Variants in LANCL1 observed in about 807,000 individuals in gnomAD.
The protein encoded by LANCL1 is LanC like glutathione S-transferase 1.
In LANCL1, 50 loss-of-function variants were observed where a neutral mutation model predicts 50.6. That is an observed-to-expected ratio of 0.99 (90% CI 0.79 to 1.25). LANCL1 has a LOEUF of 1.25. Among genes scored for constraint, LANCL1 ranks in the 50% most tolerant of loss-of-function variants. LANCL1 has a pLI of 0.00. For synonymous variants in LANCL1, 188 were observed against 178.6 expected (o/e 1.05, Z -0.42); for missense variants, 532 against 480.7 (o/e 1.11, Z -1.00).
At chr2:210,475,026 T>A (rs1360138865) in intron 2 of LANCL1, among the ~76,000 whole-genome samples, 3 of 152,194 alleles carry the variant, frequency 2.0e-5, no homozygotes, top group Non-Finnish European at 2.9e-5. Flanking sequence ...TTAATACTAG[T>A]CTTAAAATAA....
At chr2:210,446,812 G>A (rs1319838874) in intron 4 of LANCL1, among the ~76,000 whole-genome samples, 1 of 151,812 alleles carries the variant, frequency 6.6e-6, no homozygotes, top group African/African-American at 2.4e-5. Context: ...AGAGAAAAAA[G>A]AATAAAAAGG....
chr2:210,455,979 A>G (rs1056782374), intron 3 of LANCL1, among the ~76,000 whole-genome samples: 1 of 152,106 alleles, frequency 6.6e-6, no homozygotes, highest in Admixed American at 6.6e-5. Context: ...GTAATGTAAA[A>G]GCCACCAATG....
chr2:210,440,705 T>C lies in LANCL1; in HGVS notation c.583A>G (p.Arg195Gly). Reference protein sequence around the residue: ...TILTSGENLARKRNFTAKSPL... With the variant: ...TILTSGENLAGKRNFTAKSPL... ...GACTTTGCCGTGAAGTTTCTCTTCCTAGCTAGGTTTTCTCCAGAGGTTAAA... is the reference window on the plus strand; with the variant it reads ...GACTTTGCCGTGAAGTTTCTCTTCCCAGCTAGGTTTTCTCCAGAGGTTAAA... Residue 195 changes from arginine to glycine, a missense_variant, in exon 6 of 10, where the codon AGG (arginine) becomes GGG (glycine). Arg to Gly is a moderately radical substitution (Grantham distance 125). Transcript: ENST00000450366. The C allele has an allele frequency of 6.2e-7, 1 of 1,614,004 alleles. No individual in the cohort carries two copies. Among genetic ancestry groups the C allele is most frequent in the Non-Finnish European group, 8.5e-7 (1 of 1,179,924 alleles).
intron 2 of LANCL1, among the ~76,000 whole-genome samples, chr2:210,473,893 C>T (rs901087861): frequency 1.3e-5 from 2 of 152,274 alleles, no homozygotes; most frequent in East Asian, 3.9e-4. Context: ...AAATATACTT[C>T]AATGTTAATA....
chr2:210,453,566 T>C (rs148349173), intron 4 of LANCL1, among the ~76,000 whole-genome samples: 1 of 152,346 alleles, frequency 6.6e-6, no homozygotes, highest in East Asian at 1.9e-4. Flanking sequence ...TAGCAAACTA[T>C]TAAAATGTGG....
Position 210,471,817 on chromosome 2 carries a change from C to G in LANCL1, c.199+142G>C, listed in dbSNP as rs186936142. Reference sequence around the variant, plus strand: ...ATACCATGGTTGGTTGGGTTGAGGGCACAGCACTCTCCCAGAAGCAATTAC... The same window carrying G: ...ATACCATGGTTGGTTGGGTTGAGGGGACAGCACTCTCCCAGAAGCAATTAC... On this transcript the variant is annotated intron_variant, in intron 3 of 9. Transcript: ENST00000450366. The G allele has an allele frequency of 7.7e-4, 576 of 748,930 alleles. 3 individuals carry two copies. Among genetic ancestry groups the G allele is most frequent in the East Asian group, 4.2e-3 (171 of 40,940 alleles). 46.4% of individuals were successfully genotyped at this position (748,930 alleles called of 1,614,324 possible).
chr2:210,463,142 C>G (rs944930909), intron 3 of LANCL1, among the ~76,000 whole-genome samples: 17 of 152,122 alleles, frequency 1.1e-4, no homozygotes, highest in African/African-American at 3.9e-4. Flanking sequence ...AAGTACTCAG[C>G]CTTGCTTTGC....
intron 8 of LANCL1, 76 bp downstream of exon 8, chr2:210,436,140 C>A: frequency 2.2e-6 from 3 of 1,339,346 alleles, no homozygotes; most frequent in Non-Finnish European, 3.1e-6. Flanking sequence ...ATCCGCCTGC[C>A]TCAGCCTCCC....
intron 3 of LANCL1, among the ~76,000 whole-genome samples, chr2:210,459,849 A>ATT (rs774653964): frequency 2.7e-5 from 4 of 146,316 alleles, no homozygotes; most frequent in African/African-American, 7.5e-5. Flanking sequence ...TGTGAACTAG[A>ATT]TTTTTTTTTT....
At chr2:210,437,579 G>T (rs1692976346) in intron 7 of LANCL1, 111 bp downstream of exon 7, 2 of 568,586 alleles carry the variant, frequency 3.5e-6, no homozygotes, top group Non-Finnish European at 5.8e-6. Context: ...AGTGATCTTA[G>T]GTCCCACAAG....
Position 210,436,277 on chromosome 2 carries a change from T to G in LANCL1, c.989A>C (p.Tyr330Ser). The change falls in exon 8 of 10, where the codon TAT becomes TCT. Residue 330 changes from tyrosine (Y) to serine (S), a missense_variant. Transcript: ENST00000450366. ...GAGGTTGTAGAGTGTCAGGAAGGCA[T>G]AGGCATTCCCTGCAGAACCGTGGCA... ...GLCHGSAGNA[Y>S]AFLTLYNLTQ... is the part of the protein sequence containing the mutation. 2 of 1,614,010 alleles carry G rather than the reference T, an allele frequency of 1.2e-6. No individual in the cohort carries two copies. Among genetic ancestry groups the G allele is most frequent in the Middle Eastern group, 3.3e-4 (2 of 6,060 alleles).
intron 3 of LANCL1, 79 bp from the exon 4 acceptor site, chr2:210,455,393 C>A: frequency 8.2e-7 from 1 of 1,220,658 alleles, no homozygotes; most frequent in South Asian, 1.4e-5. Flanking sequence ...GTCTACTCAG[C>A]AGCGATTTTT....
chr2:210,437,810 G>A lies in LANCL1; in HGVS notation c.753C>T (p.Val251=), dbSNP rs149565481. 1.1e-5 allele frequency: 17 copies of A among 1,613,566 alleles called. No homozygotes were observed. In the South Asian group the frequency reaches 1.2e-4, roughly 11 times the overall value. Residue 251 remains valine (V), a synonymous_variant, in exon 7 of 10, where the codon GTC becomes GTT. Coordinates refer to ENST00000450366, the MANE Select transcript of LANCL1 (RefSeq NM_006055.3). The stretch of plus-strand genomic sequence containing the variant: ...TGCCAGAAGGGAATTTCAGCTGGCA[G>A]ACGTAGTCTACACTGGGCTTGACCA... ...HSLVKPSVDY[V]CQLKFPSGNY...
intron 3 of LANCL1, among the ~76,000 whole-genome samples, chr2:210,456,674 A>G (rs1693683597): frequency 6.6e-6 from 1 of 152,068 alleles, no homozygotes; most frequent in African/African-American, 2.4e-5. Flanking sequence ...CATATCACGC[A>G]TCTGCAGGTG....
intron 4 of LANCL1, among the ~76,000 whole-genome samples, chr2:210,450,244 A>G (rs1167746192): frequency 6.6e-6 from 1 of 152,212 alleles, no homozygotes; most frequent in Non-Finnish European, 1.5e-5. Context: ...GCAATGGGGA[A>G]AGGATTCCCT....
upstream of LANCL1, chr2:210,477,403 T>A (rs1694419832): frequency 1.7e-6 from 1 of 580,662 alleles, no homozygotes; most frequent in Non-Finnish European, 2.3e-6. Flanking sequence ...GTTTTAACAG[T>A]CCCTGCTATC....
chr2:210,473,588 T>G lies in LANCL1; in HGVS notation c.82-1512A>C, dbSNP rs58412393. On this transcript the variant is annotated intron_variant, in intron 2 of 9. Coordinates refer to ENST00000450366, the MANE Select transcript of LANCL1 (RefSeq NM_006055.3). ...CCTAACCACTCACATCAGAATCTCA[T>G]TTTTAAAAATGAGATAAAATCTTAA... Among the ~76,000 whole-genome samples the G allele has an allele frequency of 5.8e-3, 889 of 152,262 alleles. 11 individuals carry two copies. Among genetic ancestry groups the G allele is most frequent in the African/African-American group, 0.02 (815 of 41,562 alleles).
chr2:210,436,305 G>A lies in LANCL1; in HGVS notation c.961C>T (p.Leu321=). The A allele has an allele frequency of 6.2e-7, 1 of 1,614,032 alleles. No individual in the cohort carries two copies. The highest frequency in any genetic ancestry group is 8.5e-7 in the Non-Finnish European group (1 of 1,179,954). ...GCATTCCCTGCAGAACCGTGGCACAGCCCATATCCCTTCTTCAGCAACCCA... is the reference window on the plus strand; with the variant it reads ...GCATTCCCTGCAGAACCGTGGCACAACCCATATCCCTTCTTCAGCAACCCA... ...QYGLLKKGYG[L]CHGSAGNAYA... The change falls in exon 8 of 10, where the codon CTG becomes TTG. Residue 321 remains leucine (L), a synonymous_variant. Coordinates refer to ENST00000450366, the MANE Select transcript of LANCL1 (RefSeq NM_006055.3).
At chr2:210,470,603 T>G (rs1252721596) in intron 3 of LANCL1, among the ~76,000 whole-genome samples, 1 of 152,184 alleles carries the variant, frequency 6.6e-6, no homozygotes, top group Non-Finnish European at 1.5e-5. Context: ...GAGTGTCACA[T>G]CAGAGCTTAA....
Sources: gnomAD v4.1 joint callset for allele counts (sites outside exome capture counted in the v4.1 genomes callset) on GRCh38, gnomAD v4.1.1 for gene constraint, MANE v1.5 for transcripts, NCBI Gene and HGNC (gene_info 2026-07-23, HGNC 2026-07-21) for gene names.